ESRP1: variants seen among roughly 807,000 people sequenced by gnomAD.
ESRP1 encodes RNA-binding motif protein 35A.
ESRP1 carries 33 observed loss-of-function variants against 81.7 expected under a neutral mutation model. The ratio of observed to expected loss-of-function variants is 0.40; its 90% CI spans 0.31 to 0.54. ESRP1 has a LOEUF of 0.54. ESRP1 is among the 20% of genes least tolerant of loss of function. The pLI is 0.41. For synonymous variants in ESRP1, 320 were observed against 303.3 expected, an observed-to-expected ratio of 1.06 and a Z score of -0.57; for missense variants, 672 against 833.1, an observed-to-expected ratio of 0.81 and a Z score of 2.38.
chr8:94,705,887 C>T, intron 15 of ESRP1, 38 bp from the exon 16 acceptor site: 1 of 1,469,394 alleles, frequency 6.8e-7, no homozygotes, highest in Non-Finnish European at 9.1e-7. Context: ...GAGACTATAA[C>T]ATTTCCTTTT....
chr8:94,704,174 A>AATTT (rs1809960473), intron 15 of ESRP1, among the ~76,000 whole-genome samples: 1 of 60,194 alleles, frequency 1.7e-5, no homozygotes, highest in Non-Finnish European at 2.9e-5. Flanking sequence ...TGCTTCTGAG[A>AATTT]CTTTTTTTTT....
At chr8:94,662,420 C>A in intron 5 of ESRP1, 50 bp downstream of exon 5, 1 of 1,532,440 alleles carries the variant, frequency 6.5e-7, no homozygotes, top group Non-Finnish European at 8.9e-7. Flanking sequence ...TACTATTTTT[C>A]TCTTACCTAT....
At chr8:94,664,879 T>C in intron 7 of ESRP1, 48 bp from the exon 8 acceptor site, 1 of 1,609,048 alleles carries the variant, frequency 6.2e-7, no homozygotes, top group Non-Finnish European at 8.5e-7. Context: ...TTTTTTTTCC[T>C]CACTGTATTT....
Position 94,678,372 on chromosome 8 carries a change from G to C in ESRP1, c.1820+1G>C, listed in dbSNP as rs755650814. 1 of 1,611,684 alleles carries C rather than the reference G, an allele frequency of 6.2e-7. No individual in the cohort carries two copies. The highest frequency in any genetic ancestry group is 8.5e-7 in the Non-Finnish European group (1 of 1,178,636). ...TGAATTACACAGCGTACTATCCCAG[G>C]TAAGGCTCTGACAGAGGTGGAAATG... On this transcript the variant is annotated splice_donor_variant, in intron 13 of 15. Coordinates refer to ENST00000433389, the MANE Select transcript of ESRP1 (RefSeq NM_017697.4). LOFTEE classifies it high-confidence loss of function.
intron 15 of ESRP1, among the ~76,000 whole-genome samples, chr8:94,703,495 G>A (rs1263556845): frequency 2.6e-5 from 4 of 151,974 alleles, no homozygotes; most frequent in Non-Finnish European, 4.4e-5. Flanking sequence ...ATTAAAAAAC[G>A]GTTCGAGAAG....
chr8:94,671,607 A>G lies in ESRP1; in HGVS notation c.1388A>G (p.Asp463Gly), dbSNP rs908237907. Residue 463 changes from aspartate (D) to glycine (G), a missense_variant, in exon 11 of 16, where the codon GAT (aspartate) becomes GGT (glycine). Transcript: ENST00000433389. ...PYAATIEDIL[D>G]FLGEFATDIR... ...GCAGCCACAATTGAGGACATCCTGG[A>G]TTTCCTGGGGGAGTTCGCCACAGAT... 1.9e-6 allele frequency: 3 copies of G among 1,613,742 alleles called. No individual in the cohort carries two copies. The African/African-American group carries it at 4.0e-5, about 22-fold the overall frequency.
chr8:94,645,427 G>GA (rs3840685), intron 3 of ESRP1, among the ~76,000 whole-genome samples: 1,758 of 149,652 alleles, frequency 0.012, 27 homozygotes, highest in African/African-American at 0.04. Context: ...ATTTTGTTAA[G>GA]AAAAAAAAAA....
At chr8:94,689,977 C>T (rs902302459) in intron 13 of ESRP1, among the ~76,000 whole-genome samples, 7 of 151,710 alleles carry the variant, frequency 4.6e-5, no homozygotes, top group South Asian at 2.1e-4. Context: ...CCACCATGCT[C>T]GGCTAATTTT....
intron 4 of ESRP1, among the ~76,000 whole-genome samples, chr8:94,651,737 C>T (rs1818141697): frequency 1.3e-5 from 2 of 152,036 alleles, no homozygotes; most frequent in South Asian, 2.1e-4. Flanking sequence ...CTGCCTCAGC[C>T]TCCCAGGTAG....
At chr8:94,674,591 G>A in intron 12 of ESRP1, 85 bp downstream of exon 12, 5 of 1,289,816 alleles carry the variant, frequency 3.9e-6, no homozygotes, top group Non-Finnish European at 5.3e-6. Flanking sequence ...TGTGCCCCTG[G>A]TTCTTTCTGA....
Position 94,653,802 on chromosome 8 carries a change from G to GATAT in ESRP1, c.490+7532_490+7535dup, listed in dbSNP as rs10651120. Among the ~76,000 whole-genome samples, 376 of 150,804 alleles carry GATAT rather than the reference G, an allele frequency of 2.5e-3. 2 individuals carry two copies. The highest frequency in any genetic ancestry group is 4.6e-3 in the Admixed American group (70 of 15,140). On this transcript the variant is annotated intron_variant, in intron 4 of 15. Coordinates refer to ENST00000433389, the MANE Select transcript of ESRP1 (RefSeq NM_017697.4). ...TTGGTACTTTTCTGTGTATGAAAGGGATATATATATATATAAAATCAAGTA... is the reference window on the plus strand; with the variant it reads ...TTGGTACTTTTCTGTGTATGAAAGGGATATATATATATATATATAAAATCAAGTA...
chr8:94,705,332 T>C (rs1271832481), intron 15 of ESRP1, among the ~76,000 whole-genome samples: 1 of 151,988 alleles, frequency 6.6e-6, no homozygotes, highest in African/African-American at 2.4e-5. Context: ...TACGCCCAGC[T>C]AATTTTTGTA....
At chr8:94,700,186 T>A (rs1809765289) in intron 15 of ESRP1, among the ~76,000 whole-genome samples, 1 of 152,230 alleles carries the variant, frequency 6.6e-6, no homozygotes, top group Admixed American at 6.5e-5. Flanking sequence ...GGCAAAGTGC[T>A]TCCAGTGGAC....
intron 13 of ESRP1, among the ~76,000 whole-genome samples, chr8:94,687,280 T>G (rs965801374): frequency 6.6e-6 from 1 of 152,226 alleles, no homozygotes; most frequent in Non-Finnish European, 1.5e-5. Context: ...ATCCCTTTTA[T>G]GGTGAAATAA....
intron 4 of ESRP1, among the ~76,000 whole-genome samples, chr8:94,650,437 C>T (rs1818068008): frequency 6.6e-6 from 1 of 152,120 alleles, no homozygotes; most frequent in Non-Finnish European, 1.5e-5. Flanking sequence ...TAGTTGGAAT[C>T]ATGTAGTATG....
chr8:94,667,477 T>C (rs951628158), intron 9 of ESRP1, among the ~76,000 whole-genome samples: 13 of 151,966 alleles, frequency 8.6e-5, no homozygotes, highest in Admixed American at 2.6e-4. Flanking sequence ...GATGGTTTTC[T>C]TGGGAGCAAA....
chr8:94,681,503 GGTCA>G (rs1351588640), intron 13 of ESRP1, among the ~76,000 whole-genome samples: 2 of 151,680 alleles, frequency 1.3e-5, no homozygotes, highest in Admixed American at 6.6e-5. Context: ...TGGGTGTGGT[GGTCA>G]GTATCTGTAA....
chr8:94,654,140 G>A lies in ESRP1; in HGVS notation c.490+7858G>A, dbSNP rs140173614. Among the ~76,000 whole-genome samples the A allele has an allele frequency of 8.8e-3, 1,275 of 145,712 alleles. 25 individuals are homozygous for A. The highest frequency in any genetic ancestry group is 0.031 in the African/African-American group (1,232 of 39,444). ...TTGAGAACAGCCTGGCCAACATGGC[G>A]GAACCCCGTCTCTACTAAAAATACA... is the stretch of plus-strand genomic sequence containing the variant. On this transcript the variant is annotated intron_variant, in intron 4 of 15. Transcript: ENST00000433389.
At chr8:94,655,153 G>A (rs111628989) in intron 4 of ESRP1, among the ~76,000 whole-genome samples, 95 of 151,456 alleles carry the variant, frequency 6.3e-4, no homozygotes, top group African/African-American at 8.5e-4. Context: ...GCAGTGGTGC[G>A]ATCTCAGCTC....
Sources: allele counts gnomAD v4.1 joint callset (sites outside exome capture counted in the v4.1 genomes callset), GRCh38; gene constraint gnomAD v4.1.1; transcripts MANE v1.5; gene names NCBI Gene and HGNC (gene_info 2026-07-23, HGNC 2026-07-21).